UIMC1: variants seen among roughly 807,000 people sequenced by gnomAD.
UIMC1 encodes BRCA1-A complex subunit RAP80.
UIMC1 carries 42 observed loss-of-function variants against 84.9 expected under a neutral mutation model. That is an observed-to-expected ratio of 0.49 (90% CI 0.39 to 0.64). The LOEUF (loss-of-function observed/expected upper bound fraction) is 0.64, where lower values mean the gene tolerates loss of function less well. Among genes scored for constraint, UIMC1 ranks in the 30% least tolerant of loss-of-function variants. The probability of loss-of-function intolerance (pLI) is 0.00; values close to 1 mark genes in which losing one functional copy is unlikely to be tolerated. For missense variants in UIMC1, 825 were observed against 847.6 expected, an observed-to-expected ratio of 0.97 and a Z score of 0.33; for synonymous variants, 281 against 293.0, an observed-to-expected ratio of 0.96 and a Z score of 0.42.
chr5:176,966,170 A>G (rs1768265660), intron 6 of UIMC1, among the ~76,000 whole-genome samples: 1 of 152,236 alleles, frequency 6.6e-6, no homozygotes, highest in Non-Finnish European at 1.5e-5. Context: ...TCCTAGAGGC[A>G]TCTCCCCAGT....
At chr5:177,001,707 G>T (rs1003364663) in intron 1 of UIMC1, among the ~76,000 whole-genome samples, 3 of 151,358 alleles carry the variant, frequency 2.0e-5, no homozygotes, top group African/African-American at 7.3e-5. Flanking sequence ...GGGAGGCTGA[G>T]GGGGGGCGGA....
intron 10 of UIMC1, among the ~76,000 whole-genome samples, chr5:176,932,414 T>C (rs1439170235): frequency 6.6e-6 from 1 of 152,128 alleles, no homozygotes; most frequent in East Asian, 1.9e-4. Flanking sequence ...CTATAAGCAA[T>C]GTCATGAATA....
chr5:177,005,528 ACAATC>A (rs1775129287), intron 1 of UIMC1, among the ~76,000 whole-genome samples: 1 of 151,794 alleles, frequency 6.6e-6, no homozygotes, highest in Non-Finnish European at 1.5e-5. Context: ...GTGTAACAAT[ACAATC>A]CAAACACTTT....
intron 1 of UIMC1, among the ~76,000 whole-genome samples, chr5:177,005,723 AC>A (rs1455867845): frequency 6.6e-6 from 1 of 152,038 alleles, no homozygotes; most frequent in Non-Finnish European, 1.5e-5. Flanking sequence ...TGACAGGAAA[AC>A]AATAAAGACA....
intron 6 of UIMC1, among the ~76,000 whole-genome samples, chr5:176,962,043 C>T (rs1767555695): frequency 6.4e-5 from 2 of 31,126 alleles, no homozygotes; most frequent in Non-Finnish European, 1.2e-4. Flanking sequence ...AGGTGAGGGG[C>T]GCCTCTGCCC....
chr5:176,999,018 C>T (rs922807230), intron 1 of UIMC1, among the ~76,000 whole-genome samples: 40 of 151,668 alleles, frequency 2.6e-4, no homozygotes, highest in African/African-American at 9.7e-4. Flanking sequence ...AGCAAGACCC[C>T]GTCCCTACAA....
chr5:176,950,427 A>G (rs559044123), intron 9 of UIMC1, among the ~76,000 whole-genome samples: 4 of 152,106 alleles, frequency 2.6e-5, no homozygotes, highest in East Asian at 2.0e-4. Flanking sequence ...AGTGCGCAGG[A>G]TAAGAAAGTA....
At position 176,905,465 on chromosome 5, in the gene UIMC1, T is replaced by C; in HGVS notation, c.1977A>G (p.Ala659=). The C allele has an allele frequency of 6.2e-7, 1 of 1,614,090 alleles. No homozygotes were observed. The highest frequency in any genetic ancestry group is 1.7e-4 in the Middle Eastern group (1 of 6,044). ...FRVPSPGMEE[A]GCSREMQSSF... ...AACTCTGCATCTCTCTGCTGCAGCC[T>C]GCCTCTTCCATCCCTGGTGAAGGCA... Residue 659 remains alanine, a synonymous_variant, in exon 15 of 15, where the codon GCA becomes GCG. Transcript: ENST00000511320.
At chr5:176,972,541 GC>G (rs1769407480) in intron 3 of UIMC1, among the ~76,000 whole-genome samples, 1 of 152,104 alleles carries the variant, frequency 6.6e-6, no homozygotes, top group Non-Finnish European at 1.5e-5. Flanking sequence ...TTTGAGACCA[GC>G]CTGGCCTACA....
At chr5:177,008,372 C>T (rs1441998711), upstream of UIMC1, among the ~76,000 whole-genome samples, 3 of 152,058 alleles carry the variant, frequency 2.0e-5, no homozygotes, top group African/African-American at 7.2e-5. Flanking sequence ...TTCGATCTCC[C>T]ACAGTATACT....
At position 176,969,203 on chromosome 5, in the gene UIMC1, G is replaced by T. The variant is rs747200977; in HGVS notation, c.552C>A (p.Asp184Glu). 9.3e-6 allele frequency: 15 copies of T among 1,614,186 alleles called. 1 individual carries two copies. In the South Asian group the frequency reaches 1.6e-4, roughly 18 times the overall value. ...GCTCCTCTTCAGTTTTTTCAGTGTG[G>T]TCCCAAGGCTCCTCTCTTTCCTCAG... ...NEAEEREEPW[D>E]HTEKTEEEPV... Residue 184 changes from aspartate (D) to glutamate (E), a missense_variant, in exon 6 of 15, where the codon GAC (aspartate) becomes GAA (glutamate). Transcript: ENST00000511320.
At chr5:176,915,793 C>CAAAAAAAAAAA (rs58297107) in intron 10 of UIMC1, among the ~76,000 whole-genome samples, 10 of 42,654 alleles carry the variant, frequency 2.3e-4, no homozygotes, top group Non-Finnish European at 2.4e-4. Flanking sequence ...GGTCACAAAG[C>CAAAAAAAAAAA]AAAAAAAAAA....
chr5:176,948,321 T>C (rs1765393702), intron 9 of UIMC1, among the ~76,000 whole-genome samples: 1 of 152,218 alleles, frequency 6.6e-6, no homozygotes. Context: ...CTGTCATTAG[T>C]AAACTAATAA....
upstream of UIMC1, chr5:177,006,820 G>A (rs1273135771): frequency 2.6e-5 from 4 of 152,224 alleles, no homozygotes; most frequent in Non-Finnish European, 5.9e-5. Context: ...CCCCGCCGCG[G>A]GGGAGCCATC....
At chr5:176,991,244 C>T (rs1772798160) in intron 1 of UIMC1, among the ~76,000 whole-genome samples, 2 of 151,806 alleles carry the variant, frequency 1.3e-5, no homozygotes, top group African/African-American at 4.8e-5. Context: ...CTCCTGACCT[C>T]GTGATCCACC....
At chr5:176,929,631 T>C (rs1185810105) in intron 10 of UIMC1, among the ~76,000 whole-genome samples, 1 of 152,070 alleles carries the variant, frequency 6.6e-6, no homozygotes, top group Non-Finnish European at 1.5e-5. Flanking sequence ...ATAGAATACA[T>C]ATGAAACAAC....
At chr5:176,960,578 TAA>T (rs1341266221) in intron 6 of UIMC1, among the ~76,000 whole-genome samples, 2 of 85,486 alleles carry the variant, frequency 2.3e-5, no homozygotes, top group Non-Finnish European at 2.1e-5. Context: ...CATTGAATCT[TAA>T]AAAAAAAAAA....
chr5:177,005,997 G>C (rs1414719969), intron 1 of UIMC1, among the ~76,000 whole-genome samples: 1 of 152,148 alleles, frequency 6.6e-6, no homozygotes, highest in African/African-American at 2.4e-5. Context: ...GATCTCCAAG[G>C]AGTGCGCTGG....
At position 177,022,387 on chromosome 5, in the gene UIMC1, T is replaced by A. The variant is rs909047923; in HGVS notation, c.-9+77A>T. 18 of 240,474 alleles carry A rather than the reference T, an allele frequency of 7.5e-5. No homozygotes were observed. In the East Asian group the frequency reaches 1.6e-3, roughly 21 times the overall value. 14.9% of individuals were successfully genotyped at this position (240,474 alleles called of 1,614,324 possible). On this transcript the variant is annotated intron_variant, in intron 1 of 5. Transcript: ENST00000509236. ...CATTTTTAGGTTCTGGGCCTCAGTTTCCCTGTGAATGAAATGGCGAAAACA... is the reference window on the plus strand; with the variant it reads ...CATTTTTAGGTTCTGGGCCTCAGTTACCCTGTGAATGAAATGGCGAAAACA...
Sources: gnomAD v4.1 joint callset for allele counts (sites outside exome capture counted in the v4.1 genomes callset) on GRCh38, gnomAD v4.1.1 for gene constraint, MANE v1.5 for transcripts, NCBI Gene and HGNC (gene_info 2026-07-23, HGNC 2026-07-21) for gene names.